The following LGSN variants were observed in gnomAD, a reference collection of about 807,000 sequenced individuals.
LGSN encodes lengsin.
LGSN carries 21 observed loss-of-function variants against 19.5 expected under a neutral mutation model. That is an observed-to-expected ratio of 1.07 (90% CI 0.76 to 1.55). LGSN has a LOEUF of 1.55. Among genes scored for constraint, LGSN ranks in the 40% most tolerant of loss-of-function variants. LGSN has a pLI of 0.00. For synonymous variants in LGSN, 257 were observed against 215.6 expected (o/e 1.19, Z -1.68); for missense variants, 673 against 608.5 (o/e 1.11, Z -1.12).
chr6:63,507,436 T>A, the LGSN span, among the ~76,000 whole-genome samples: 1 of 152,172 alleles, frequency 6.6e-6, no homozygotes, highest in Admixed American at 6.5e-5. Flanking sequence ...TGGATGCATA[T>A]GTTTCATTTA....
chr6:63,343,465 C>A, the LGSN span, among the ~76,000 whole-genome samples: 1 of 152,136 alleles, frequency 6.6e-6, no homozygotes, highest in Admixed American at 6.5e-5. Flanking sequence ...AATAAGCAGT[C>A]CTGCTCTACC....
the LGSN span, among the ~76,000 whole-genome samples, chr6:63,421,761 C>T: frequency 6.6e-6 from 1 of 151,674 alleles, no homozygotes; most frequent in African/African-American, 2.4e-5. Context: ...AGAAATTATT[C>T]AATATGAACA....
At chr6:63,286,270 G>A (rs1215372153) in intron 2 of LGSN, among the ~76,000 whole-genome samples, 29 of 151,990 alleles carry the variant, frequency 1.9e-4, no homozygotes, top group East Asian at 1.9e-4. Flanking sequence ...TCTTTTTAAT[G>A]GCATCTAACT....
the LGSN span, among the ~76,000 whole-genome samples, chr6:63,415,237 C>T: frequency 6.6e-6 from 1 of 152,158 alleles, no homozygotes; most frequent in Admixed American, 6.6e-5. Context: ...AGGAGAATCT[C>T]TTGAACCCTT....
the LGSN span, among the ~76,000 whole-genome samples, chr6:63,384,594 T>C: frequency 1.3e-5 from 2 of 150,764 alleles, no homozygotes; most frequent in African/African-American, 4.9e-5. Flanking sequence ...CTCGGCTCAC[T>C]ACAACCTCCA....
At chr6:63,439,785 A>C in the LGSN span, among the ~76,000 whole-genome samples, 1 of 152,154 alleles carries the variant, frequency 6.6e-6, no homozygotes, top group Non-Finnish European at 1.5e-5. Context: ...ACCCCACTGC[A>C]TCATTTGTCA....
At chr6:63,336,297 C>T in the LGSN span, among the ~76,000 whole-genome samples, 4 of 152,038 alleles carry the variant, frequency 2.6e-5, no homozygotes, top group South Asian at 6.2e-4. Flanking sequence ...ACCTTAAATA[C>T]TTGATTTGAT....
chr6:63,538,235 G>A, the LGSN span, among the ~76,000 whole-genome samples: 3 of 152,214 alleles, frequency 2.0e-5, no homozygotes, highest in Non-Finnish European at 4.4e-5. Flanking sequence ...CCAAGTTCTG[G>A]TTGGAAGCTG....
Position 63,280,871 on chromosome 6 carries a change from G to A in LGSN, c.680C>T (p.Pro227Leu). 1 of 1,613,932 alleles carries A rather than the reference G, an allele frequency of 6.2e-7. No homozygotes were observed. The highest frequency in any genetic ancestry group is 8.5e-7 in the Non-Finnish European group (1 of 1,180,008). The part of the protein sequence containing the change: ...EILNSKIISF[P>L]ALTFLNNHDQ... ...ATGGTTATTTAAAAATGTTAAAGCA[G>A]GAAAAGATATAATCTTTGAATTTAA... Residue 227 changes from proline (P) to leucine (L), a missense_variant, in exon 4 of 4, where the codon CCT becomes CTT. Transcript: ENST00000370657.
chr6:63,280,455 G>A lies in LGSN; in HGVS notation c.1096C>T (p.Arg366Ter), dbSNP rs1329701342. ...SCLMAPSVSC[R>*]KRYSKDRKDL... ...TTCCTGTCCTTGGAATAACGCTTTCGGCAGCTAACAGAAGGCGCCATCAGG... is the reference window on the plus strand; with the variant it reads ...TTCCTGTCCTTGGAATAACGCTTTCAGCAGCTAACAGAAGGCGCCATCAGG... The change falls in exon 4 of 4, where the codon CGA (arginine) becomes TGA (stop). Residue 366 changes from arginine to a stop codon, truncating the protein, a stop_gained. Coordinates refer to ENST00000370657, the MANE Select transcript of LGSN (RefSeq NM_016571.3). LOFTEE classifies it low-confidence loss of function (END_TRUNC). The A allele has an allele frequency of 1.4e-5, 22 of 1,613,974 alleles. No individual in the cohort carries two copies. The highest frequency in any genetic ancestry group is 3.3e-5 in the South Asian group (3 of 91,092).
At chr6:63,333,198 C>G in the LGSN span, among the ~76,000 whole-genome samples, 5 of 152,016 alleles carry the variant, frequency 3.3e-5, no homozygotes, top group Non-Finnish European at 5.9e-5. Flanking sequence ...ATCCTGCTGG[C>G]TGGTAGAGCC....
chr6:63,382,925 T>C, the LGSN span, among the ~76,000 whole-genome samples: 1 of 152,200 alleles, frequency 6.6e-6, no homozygotes, highest in African/African-American at 2.4e-5. Flanking sequence ...TTACCATCAT[T>C]ATTAGCCATG....
At chr6:63,327,269 C>T in the LGSN span, among the ~76,000 whole-genome samples, 1 of 152,086 alleles carries the variant, frequency 6.6e-6, no homozygotes, top group East Asian at 1.9e-4. Context: ...CTAGAGGAAA[C>T]AAATTTGACA....
intron 1 of LGSN, among the ~76,000 whole-genome samples, chr6:63,317,674 G>A (rs894714211): frequency 1.3e-5 from 2 of 152,170 alleles, no homozygotes; most frequent in African/African-American, 4.8e-5. Flanking sequence ...GAAAGCTGGG[G>A]TAGGTAAATC....
At chr6:63,379,312 T>C in the LGSN span, among the ~76,000 whole-genome samples, 3 of 152,158 alleles carry the variant, frequency 2.0e-5, no homozygotes, top group African/African-American at 4.8e-5. Context: ...GCCTGAGCTT[T>C]GAAAACGAGG....
chr6:63,397,214 GCT>G, the LGSN span: 1 of 152,182 alleles, frequency 6.6e-6, no homozygotes, highest in Non-Finnish European at 1.5e-5. Flanking sequence ...TATCTGTCCA[GCT>G]CTGTGTCTTA....
At chr6:63,316,298 C>T (rs1768852756) in intron 1 of LGSN, among the ~76,000 whole-genome samples, 1 of 152,070 alleles carries the variant, frequency 6.6e-6, no homozygotes, top group South Asian at 2.1e-4. Context: ...TATAGCTGCT[C>T]CCATATGAAA....
chr6:63,455,073 G>A, the LGSN span, among the ~76,000 whole-genome samples: 9,575 of 152,008 alleles, frequency 0.063, 482 homozygotes, highest in African/African-American at 0.14. Context: ...GATTACAGGC[G>A]TGAGCCACCA....
At chr6:63,308,609 C>T (rs1167448897) in intron 1 of LGSN, among the ~76,000 whole-genome samples, 1 of 135,514 alleles carries the variant, frequency 7.4e-6, no homozygotes, top group East Asian at 2.1e-4. Context: ...TTTTTAATGT[C>T]AATACAAAAA....
Sources: allele counts gnomAD v4.1 joint callset (sites outside exome capture counted in the v4.1 genomes callset), GRCh38; gene constraint gnomAD v4.1.1; transcripts MANE v1.5; gene names NCBI Gene and HGNC (gene_info 2026-07-23, HGNC 2026-07-21).